Variants in TTC7B observed in about 807,000 individuals in gnomAD.
TTC7B encodes the protein tetratricopeptide repeat protein 7B.
A neutral mutation model predicts 106.8 loss-of-function variants in TTC7B; 28 were observed. The observed-to-expected ratio is 0.26, with a 90% CI of 0.19 to 0.36. The LOEUF (loss-of-function observed/expected upper bound fraction) is 0.36, where lower values mean the gene tolerates loss of function less well. TTC7B is among the 10% of genes least tolerant of loss of function. The probability of loss-of-function intolerance (pLI) is 1.00; values close to 1 mark genes in which losing one functional copy is unlikely to be tolerated. For missense variants in TTC7B, 862 were observed against 1,076.4 expected (o/e 0.80, Z 2.79); for synonymous variants, 405 against 430.6 (o/e 0.94, Z 0.74).
chr14:90,801,222 C>CAAAAA lies in TTC7B; in HGVS notation c.122-14899_122-14895dup, dbSNP rs67620286. On this transcript the variant is annotated intron_variant, in intron 1 of 19. Transcript: ENST00000328459. ...CTTGGGAGACAGAGCAAGACCCTAT[C>CAAAAA]AAAAAAAAAAAAAAAAAAAAAGATG... Among the ~76,000 whole-genome samples, 27 of 70,866 alleles carry CAAAAA rather than the reference C, an allele frequency of 3.8e-4. 1 individual carries two copies. The highest frequency in any genetic ancestry group is 1.0e-3 in the East Asian group (2 of 1,946). The allele number at this position is 70,866 out of a possible 152,430, so 46.5% of individuals were successfully genotyped here. A position where few individuals can be genotyped will look rare whatever the true frequency, so the allele number is the denominator to read the frequency against.
intron 19 of TTC7B, among the ~76,000 whole-genome samples, chr14:90,549,425 G>C (rs952725011): frequency 6.6e-6 from 1 of 152,206 alleles, no homozygotes; most frequent in Non-Finnish European, 1.5e-5. Context: ...TTCTGGGGTG[G>C]AAAGCCCATC....
chr14:90,585,022 T>A (rs1891656685), intron 18 of TTC7B, among the ~76,000 whole-genome samples: 1 of 152,160 alleles, frequency 6.6e-6, no homozygotes, highest in Admixed American at 6.5e-5. Context: ...TTTCTTTGTC[T>A]GAGAAGGGTT....
chr14:90,727,700 A>AT, intron 5 of TTC7B, among the ~76,000 whole-genome samples: 1 of 152,238 alleles, frequency 6.6e-6, no homozygotes, highest in Non-Finnish European at 1.5e-5. Flanking sequence ...CTGAGTATAC[A>AT]TTTAAGTATA....
chr14:90,792,761 G>A (rs1226555680), intron 1 of TTC7B, among the ~76,000 whole-genome samples: 1 of 152,142 alleles, frequency 6.6e-6, no homozygotes, highest in Non-Finnish European at 1.5e-5. Flanking sequence ...ATGGGGGTGG[G>A]AGAGGAGACA....
At chr14:90,794,223 T>A (rs1285398732) in intron 1 of TTC7B, among the ~76,000 whole-genome samples, 1 of 39,802 alleles carries the variant, frequency 2.5e-5, no homozygotes, top group Non-Finnish European at 9.3e-5. Context: ...TTTTTTTTTT[T>A]TTTTTTTTTT....
chr14:90,792,012 A>G (rs1246078137), intron 1 of TTC7B, among the ~76,000 whole-genome samples: 3 of 152,144 alleles, frequency 2.0e-5, no homozygotes, highest in Non-Finnish European at 4.4e-5. Context: ...CAAGTCCTCA[A>G]GTTTACCGGT....
chr14:90,742,390 C>G lies in TTC7B; in HGVS notation c.576+2402G>C, dbSNP rs1181336089. Among the ~76,000 whole-genome samples the G allele has an allele frequency of 6.6e-6, 1 of 151,382 alleles. No individual in the cohort carries two copies. Among genetic ancestry groups the G allele is most frequent in the Non-Finnish European group, 1.5e-5 (1 of 67,900 alleles). The stretch of plus-strand genomic sequence containing the variant: ...TAGAGACAAGGTCTCACTCTGTTGA[C>G]CAGGCTGATCTTAAACTTCTGGCCT... On this transcript the variant is annotated intron_variant, in intron 4 of 19. Transcript: ENST00000328459. The surrounding 1 kb of genome is among the most constrained non-coding windows in gnomAD (Gnocchi z 4.1).
At chr14:90,812,050 G>A (rs1322305785) in intron 1 of TTC7B, among the ~76,000 whole-genome samples, 1 of 152,042 alleles carries the variant, frequency 6.6e-6, no homozygotes, top group Non-Finnish European at 1.5e-5. Flanking sequence ...GGTCACAAGG[G>A]GTCAGCTGCA....
rs750919812 is a variant in TTC7B at position 90,541,479 on chromosome 14, G to T, written c.2421C>A (p.Val807=). ...CCGCATCGTTGCCCTGAGCTTGGAG[G>T]ACCTCGCCCAGCCCGTTCCAGACCT... ...AHEVWNGLGE[V]LQAQGNDAAA... Residue 807 remains valine, a synonymous_variant, in exon 20 of 20, where the codon GTC becomes GTA. Coordinates refer to ENST00000328459, the MANE Select transcript of TTC7B (RefSeq NM_001010854.2). 6.2e-7 allele frequency: 1 copy of T among 1,613,956 alleles called. No homozygotes were observed. The highest frequency in any genetic ancestry group is 1.3e-5 in the African/African-American group (1 of 74,946).
At chr14:90,660,810 T>C (rs937755104) in intron 9 of TTC7B, among the ~76,000 whole-genome samples, 41 of 152,200 alleles carry the variant, frequency 2.7e-4, no homozygotes, top group Admixed American at 2.6e-3. Flanking sequence ...TGAAAAGCTG[T>C]TCTGACAAAA....
intron 8 of TTC7B, among the ~76,000 whole-genome samples, chr14:90,679,831 A>C (rs897550698): frequency 8.9e-4 from 136 of 152,324 alleles, no homozygotes; most frequent in African/African-American, 3.2e-3. Flanking sequence ...ATAGACCTAA[A>C]ATTCTATATT....
At chr14:90,799,594 G>C (rs1161213107) in intron 1 of TTC7B, among the ~76,000 whole-genome samples, 1 of 152,114 alleles carries the variant, frequency 6.6e-6, no homozygotes, top group Non-Finnish European at 1.5e-5. Flanking sequence ...TGAGCGAAGA[G>C]CATTCCAGGA....
chr14:90,566,130 T>C (rs1481779665), intron 19 of TTC7B, among the ~76,000 whole-genome samples: 5 of 152,026 alleles, frequency 3.3e-5, no homozygotes, highest in Non-Finnish European at 5.9e-5. Context: ...GGTGAGCAGA[T>C]CACCTGAGCT....
intron 3 of TTC7B, among the ~76,000 whole-genome samples, chr14:90,776,354 A>G (rs1044763202): frequency 1.3e-5 from 2 of 152,182 alleles, no homozygotes; most frequent in African/African-American, 2.4e-5. Context: ...GAGGGGCTCA[A>G]GCATGCGCAC....
intron 16 of TTC7B, among the ~76,000 whole-genome samples, chr14:90,617,151 C>T (rs1019037291): frequency 3.9e-5 from 6 of 152,160 alleles, no homozygotes; most frequent in South Asian, 2.1e-4. Context: ...TTCCCATTGA[C>T]GGAGCTACTT....
intron 9 of TTC7B, among the ~76,000 whole-genome samples, chr14:90,669,924 C>T (rs1052906895): frequency 2.6e-5 from 4 of 152,148 alleles, no homozygotes; most frequent in African/African-American, 9.7e-5. Context: ...AATTCCACTC[C>T]TAGGTGCAAA....
At chr14:90,587,481 G>A (rs1189074722) in intron 18 of TTC7B, among the ~76,000 whole-genome samples, 8 of 152,148 alleles carry the variant, frequency 5.3e-5, no homozygotes, top group Non-Finnish European at 5.9e-5. Context: ...CTTCCCACAT[G>A]CTGTTCTATG....
At chr14:90,798,709 C>CAAAAAAA (rs36223089) in intron 1 of TTC7B, among the ~76,000 whole-genome samples, 722 of 51,834 alleles carry the variant, frequency 0.014, 33 homozygotes, top group Non-Finnish European at 0.017. Flanking sequence ...GACTCCATCT[C>CAAAAAAA]AAAAAAAAAA....
chr14:90,773,702 T>G (rs1242437008), intron 3 of TTC7B, among the ~76,000 whole-genome samples: 1 of 152,192 alleles, frequency 6.6e-6, no homozygotes, highest in Non-Finnish European at 1.5e-5. Context: ...CTGAACTTCA[T>G]GCAGTTTCCA....
Sources: gnomAD v4.1 joint callset for allele counts (sites outside exome capture counted in the v4.1 genomes callset) on GRCh38, gnomAD v4.1.1 for gene constraint, Gnocchi (gnomAD v3.1) non-coding constraint, MANE v1.5 for transcripts, NCBI Gene and HGNC (gene_info 2026-07-23, HGNC 2026-07-21) for gene names.